CTNNA2: variants seen among roughly 807,000 people sequenced by gnomAD.
The protein encoded by CTNNA2 is catenin alpha 2.
In CTNNA2, 42 loss-of-function variants were observed where a neutral mutation model predicts 101.0. The ratio of observed to expected loss-of-function variants is 0.42; its 90% CI spans 0.32 to 0.54. The LOEUF (loss-of-function observed/expected upper bound fraction) is 0.54. Ranked by LOEUF, CTNNA2 falls within the 20% of genes least tolerant of loss-of-function variation. CTNNA2 has a pLI of 0.14. For synonymous variants in CTNNA2, 450 were observed against 456.4 expected (o/e 0.99, Z 0.18); for missense variants, 871 against 1,223.1 (o/e 0.71, Z 4.29).
chr2:79,824,296 T>G (rs952464588), intron 3 of CTNNA2, among the ~76,000 whole-genome samples: 1 of 152,172 alleles, frequency 6.6e-6, no homozygotes, highest in African/African-American at 2.4e-5. Flanking sequence ...TTTCATTTTA[T>G]TTTGTGGTTA....
Position 79,461,115 on chromosome 2 carries a change from T to A in CTNNA2, c.-134-43939T>A, listed in dbSNP as rs193159974. On this transcript the variant is annotated intron_variant, in intron 4 of 21. Coordinates refer to the CTNNA2 transcript ENST00000466387. ...CCTCAGCCTCCCAAAGTTCTGGGAT[T>A]ATAGGCGTGAGCCACGGTTCCTGGC... Among the ~76,000 whole-genome samples the A allele has an allele frequency of 5.6e-4, 86 of 152,340 alleles. 1 individual carries two copies. The highest frequency in any genetic ancestry group is 9.1e-4 in the Non-Finnish European group (62 of 68,026).
intron 7 of CTNNA2, chr2:80,304,233 T>G (rs1676676706): frequency 6.3e-6 from 1 of 157,726 alleles, no homozygotes; most frequent in South Asian, 2.1e-4. Context: ...AGAAGACCCC[T>G]CTGTGTTTCC....
chr2:79,785,449 C>CTGA (rs1226889740), intron 3 of CTNNA2, among the ~76,000 whole-genome samples: 2 of 152,124 alleles, frequency 1.3e-5, no homozygotes, highest in African/African-American at 4.8e-5. Flanking sequence ...CTCGGTCCTT[C>CTGA]TGATCTCTGC....
chr2:80,447,293 T>C (rs540655842), intron 9 of CTNNA2, among the ~76,000 whole-genome samples: 16 of 152,312 alleles, frequency 1.1e-4, no homozygotes, highest in African/African-American at 3.8e-4. Context: ...ATCTTTTGGG[T>C]AATATGTGTA....
intron 7 of CTNNA2, among the ~76,000 whole-genome samples, chr2:80,248,631 T>A (rs1288665746): frequency 2.0e-5 from 3 of 152,184 alleles, no homozygotes; most frequent in Non-Finnish European, 4.4e-5. Flanking sequence ...GGAGAGTCTG[T>A]CTCTCAGCAG....
chr2:79,871,787 C>T (rs1682601493), intron 5 of CTNNA2, among the ~76,000 whole-genome samples: 1 of 152,086 alleles, frequency 6.6e-6, no homozygotes, highest in African/African-American at 2.4e-5. Context: ...TTTGAGATAT[C>T]CACATTGAAA....
At chr2:80,189,773 A>G (rs1350777693) in intron 7 of CTNNA2, among the ~76,000 whole-genome samples, 2 of 152,096 alleles carry the variant, frequency 1.3e-5, no homozygotes, top group African/African-American at 4.8e-5. Context: ...ACAAAAACAC[A>G]CACACACACA....
At chr2:80,423,507 C>G (rs1300853073) in intron 9 of CTNNA2, among the ~76,000 whole-genome samples, 2 of 151,912 alleles carry the variant, frequency 1.3e-5, no homozygotes, top group Non-Finnish European at 2.9e-5. Context: ...CAGGTCATCT[C>G]CTTTAAAAAA....
chr2:79,941,911 G>T (rs759151885), intron 7 of CTNNA2, among the ~76,000 whole-genome samples: 1 of 152,080 alleles, frequency 6.6e-6, no homozygotes, highest in South Asian at 2.1e-4. Flanking sequence ...GAGCCACTGC[G>T]CCCAGCTCAG....
At chr2:80,524,625 A>G (rs1161198351) in intron 9 of CTNNA2, among the ~76,000 whole-genome samples, 2 of 152,144 alleles carry the variant, frequency 1.3e-5, no homozygotes, top group Non-Finnish European at 2.9e-5. Context: ...GCCATGGCTC[A>G]CATTCTTTCT....
chr2:79,541,270 TTAGAA>T (rs1192131191), intron 1 of CTNNA2, among the ~76,000 whole-genome samples: 2 of 151,154 alleles, frequency 1.3e-5, no homozygotes, highest in African/African-American at 4.9e-5. Context: ...TTTACAAATG[TTAGAA>T]TAGAATGGAG....
At chr2:79,773,468 A>C (rs557064918) in intron 3 of CTNNA2, among the ~76,000 whole-genome samples, 2 of 152,298 alleles carry the variant, frequency 1.3e-5, no homozygotes, top group Non-Finnish European at 2.9e-5. Context: ...GGGGGCTTCT[A>C]GGTCACAGGT....
chr2:80,154,456 C>T (rs1279137402), intron 7 of CTNNA2, among the ~76,000 whole-genome samples: 6 of 152,046 alleles, frequency 3.9e-5, no homozygotes, highest in East Asian at 1.9e-4. Flanking sequence ...AGGAATAAAC[C>T]GAGCTAAGAA....
At chr2:79,329,968 T>G (rs1676833974) in intron 3 of CTNNA2, among the ~76,000 whole-genome samples, 1 of 152,114 alleles carries the variant, frequency 6.6e-6, no homozygotes, top group African/African-American at 2.4e-5. Flanking sequence ...CCCAAAAACA[T>G]GACAGGCTTC....
intron 1 of CTNNA2, among the ~76,000 whole-genome samples, chr2:79,577,133 A>G (rs191414336): frequency 9.9e-5 from 15 of 152,250 alleles, no homozygotes; most frequent in African/African-American, 3.6e-4. Context: ...AGATAGTATT[A>G]AGATACTGTG....
intron 1 of CTNNA2, among the ~76,000 whole-genome samples, chr2:79,576,500 C>G (rs1675809631): frequency 6.6e-6 from 1 of 152,210 alleles, no homozygotes; most frequent in East Asian, 1.9e-4. Flanking sequence ...GTCTCTATTT[C>G]ACTTTGATTC....
intron 3 of CTNNA2, among the ~76,000 whole-genome samples, chr2:79,810,606 C>G (rs1218222065): frequency 6.6e-6 from 1 of 151,314 alleles, no homozygotes; most frequent in African/African-American, 2.4e-5. Flanking sequence ...ATACATGTGC[C>G]ATGTTGGTGT....
chr2:80,623,209 T>G (rs1232441007), intron 18 of CTNNA2, among the ~76,000 whole-genome samples: 1 of 151,814 alleles, frequency 6.6e-6, no homozygotes, highest in Admixed American at 6.6e-5. Flanking sequence ...ACAAATTCAT[T>G]GAGTATGTAA....
intron 7 of CTNNA2, among the ~76,000 whole-genome samples, chr2:80,040,221 G>A (rs150528254): frequency 6.6e-6 from 1 of 152,154 alleles, no homozygotes; most frequent in Admixed American, 6.5e-5. Flanking sequence ...GTTTAATTTT[G>A]TATTATTTAT....
Sources: gnomAD v4.1 joint callset for allele counts (sites outside exome capture counted in the v4.1 genomes callset) on GRCh38, gnomAD v4.1.1 for gene constraint, MANE v1.5 for transcripts, NCBI Gene and HGNC (gene_info 2026-07-23, HGNC 2026-07-21) for gene names.